Variants in SNAP23 observed in about 807,000 individuals in gnomAD.
SNAP23 encodes synaptosomal-associated protein 23.
Under a neutral mutation model 29.0 loss-of-function variants are expected in SNAP23, and 11 were observed. That is an observed-to-expected ratio of 0.38 (90% CI 0.24 to 0.63). The LOEUF is 0.63. Among genes scored for constraint, SNAP23 ranks in the 20% least tolerant of loss-of-function variants. The probability of loss-of-function intolerance (pLI) is 0.58; values close to 1 mark genes in which losing one functional copy is unlikely to be tolerated. For missense variants in SNAP23, 220 were observed against 253.9 expected (o/e 0.87, Z 0.91); for synonymous variants, 60 against 82.9 (o/e 0.72, Z 1.50).
In SNAP23 at chr15:42,513,393, T is replaced by A; in HGVS notation, c.100-6T>A. ...TGTACTATCAGCTTTTCCCCCCTTG[T>A]CTTAGTCTCAGGATGCAGGAATCAA... On this transcript the variant is annotated splice_region_variant and splice_polypyrimidine_tract_variant and intron_variant, in intron 3 of 7. Coordinates refer to ENST00000249647, the MANE Select transcript of SNAP23 (RefSeq NM_003825.4). The A allele has an allele frequency of 6.2e-7, 1 of 1,613,484 alleles. No homozygotes were observed. Among genetic ancestry groups the A allele is most frequent in the Admixed American group, 1.7e-5 (1 of 60,020 alleles).
rs1472334980 is a variant in SNAP23, at chr15:42,531,928, C to T, written c.*450C>T. The T allele has an allele frequency of 6.5e-6, 1 of 152,932 alleles. No individual in the cohort carries two copies. Among genetic ancestry groups the T allele is most frequent in the South Asian group, 2.1e-4 (1 of 4,836 alleles). 9.5% of individuals were successfully genotyped at this position (152,932 alleles called of 1,614,324 possible). Reference sequence around the variant, plus strand: ...CTTCAGGCCACAAAGCAAAAAGTTGCATAGCCACAACGAAGATCTAGTTGG... The same window carrying T: ...CTTCAGGCCACAAAGCAAAAAGTTGTATAGCCACAACGAAGATCTAGTTGG... On this transcript the variant is annotated 3_prime_UTR_variant, in exon 8 of 8. Coordinates refer to ENST00000249647, the MANE Select transcript of SNAP23 (RefSeq NM_003825.4).
At chr15:42,491,901 T>TTTAG (rs11281244), upstream of SNAP23, among the ~76,000 whole-genome samples, 224 of 146,978 alleles carry the variant, frequency 1.5e-3, 1 homozygote, top group African/African-American at 3.5e-3. Flanking sequence ...TATTTATTTA[T>TTTAG]TTAGTTAGTT....
intron 1 of SNAP23, among the ~76,000 whole-genome samples, chr15:42,508,481 C>T (rs1402626547): frequency 6.6e-6 from 1 of 151,982 alleles, no homozygotes; most frequent in Non-Finnish European, 1.5e-5. Context: ...TGCATCCTGG[C>T]GTTAGCATGC....
chr15:42,509,717 C>T (rs1461716582), intron 1 of SNAP23, among the ~76,000 whole-genome samples: 2 of 152,140 alleles, frequency 1.3e-5, no homozygotes, highest in Non-Finnish European at 2.9e-5. Context: ...GGATTACAGG[C>T]GTGAGCCACT....
chr15:42,517,249 GTCAA>G (rs1357450946), intron 5 of SNAP23, among the ~76,000 whole-genome samples: 1 of 152,178 alleles, frequency 6.6e-6, no homozygotes, highest in African/African-American at 2.4e-5. Context: ...ACTATGACTT[GTCAA>G]TCAGAGTTTA....
At chr15:42,501,877 A>C (rs937598185) in intron 1 of SNAP23, among the ~76,000 whole-genome samples, 3 of 152,326 alleles carry the variant, frequency 2.0e-5, no homozygotes, top group Non-Finnish European at 2.9e-5. Context: ...GAAGCACAGA[A>C]AAGTTAACAG....
intron 7 of SNAP23, among the ~76,000 whole-genome samples, chr15:42,530,666 C>T (rs898945494): frequency 1.3e-5 from 2 of 152,078 alleles, no homozygotes; most frequent in Non-Finnish European, 2.9e-5. Flanking sequence ...AGAAGGATTG[C>T]TTGAGTGTAG....
chr15:42,528,560 C>T lies in SNAP23; in HGVS notation c.425+140C>T, dbSNP rs1284207012. 3.4e-5 allele frequency: 29 copies of T among 864,140 alleles called. No individual in the cohort carries two copies. The East Asian group carries it at 5.6e-4, about 17-fold the overall frequency. 53.5% of individuals were successfully genotyped at this position (864,140 alleles called of 1,614,324 possible). A position where few individuals can be genotyped will look rare whatever the true frequency, so the allele number is the denominator to read the frequency against. On this transcript the variant is annotated intron_variant, in intron 6 of 7. Transcript: ENST00000249647. ...TTTTTAAAATGCATTTAAAAATCTG[C>T]CCACTGACAAAATGTGGGTTTTTTT...
chr15:42,504,299 C>T (rs2057300219), intron 1 of SNAP23, among the ~76,000 whole-genome samples: 1 of 152,036 alleles, frequency 6.6e-6, no homozygotes. Flanking sequence ...TAAGATTGCA[C>T]CACTGCACTC....
intron 6 of SNAP23, among the ~76,000 whole-genome samples, chr15:42,528,743 G>A (rs1341830328): frequency 6.6e-6 from 1 of 151,982 alleles, no homozygotes. Flanking sequence ...GCGCCACCAC[G>A]CCCAGCTAAT....
intron 1 of SNAP23, among the ~76,000 whole-genome samples, chr15:42,507,428 A>G (rs2057324807): frequency 2.0e-5 from 3 of 152,222 alleles, no homozygotes; most frequent in African/African-American, 7.2e-5. Flanking sequence ...AATAGGGTGT[A>G]AAAGCACTGA....
chr15:42,510,817 G>C (rs981931050), intron 1 of SNAP23, among the ~76,000 whole-genome samples: 4 of 152,126 alleles, frequency 2.6e-5, no homozygotes, highest in Non-Finnish European at 4.4e-5. Context: ...TTCCTGAAGA[G>C]TGTTGTAGGA....
In SNAP23 at chr15:42,531,586, G is replaced by A. The variant is rs2057566097; in HGVS notation, c.*108G>A. ...CGGTTCCACGCTCTTCTAATTGGGA[G>A]ATAATATGGAAGAAGGGCCAGAGCA... On this transcript the variant is annotated 3_prime_UTR_variant, in exon 8 of 8. Transcript: ENST00000249647. The A allele has an allele frequency of 3.9e-6, 3 of 779,134 alleles. No individual in the cohort carries two copies. Among genetic ancestry groups the A allele is most frequent in the African/African-American group, 3.5e-5 (2 of 56,608 alleles). The allele number at this position is 779,134 out of a possible 1,614,324, so 48.3% of individuals were successfully genotyped here. A position where few individuals can be genotyped will look rare whatever the true frequency, so the allele number is the denominator to read the frequency against.
intron 7 of SNAP23, 70 bp from the exon 8 acceptor site, chr15:42,531,343 C>T (rs2141564743): frequency 9.5e-7 from 1 of 1,050,744 alleles, no homozygotes; most frequent in South Asian, 2.2e-5. Context: ...TCAGTTACTC[C>T]AAGTGTAAAA....
intron 1 of SNAP23, among the ~76,000 whole-genome samples, chr15:42,503,323 T>A (rs913976187): frequency 1.3e-5 from 2 of 151,842 alleles, no homozygotes; most frequent in African/African-American, 4.8e-5. Context: ...TGCCTTAGCC[T>A]CCTGAGTAGC....
intron 5 of SNAP23, among the ~76,000 whole-genome samples, chr15:42,515,750 G>A (rs778769546): frequency 6.6e-6 from 1 of 152,108 alleles, no homozygotes; most frequent in Non-Finnish European, 1.5e-5. Flanking sequence ...GGAAAGAATG[G>A]CAAAACATAA....
At chr15:42,492,136 C>A (rs1328225598), upstream of SNAP23, among the ~76,000 whole-genome samples, 1 of 151,844 alleles carries the variant, frequency 6.6e-6, no homozygotes, top group Non-Finnish European at 1.5e-5. Context: ...GTCTCAAACT[C>A]CTGACTTCAA....
rs2057566739 is a variant in SNAP23 at position 42,531,628 on chromosome 15, T to C, written c.*150T>C. The C allele has an allele frequency of 1.9e-6, 1 of 524,476 alleles. No homozygotes were observed. Among genetic ancestry groups the C allele is most frequent in the Admixed American group, 3.7e-5 (1 of 26,708 alleles). 32.5% of individuals were successfully genotyped at this position (524,476 alleles called of 1,614,324 possible). On this transcript the variant is annotated 3_prime_UTR_variant, in exon 8 of 8. Transcript: ENST00000249647. ...GCCAGAGCAGTTACAGCCCTCCTTC[T>C]TTTTTGTTTTCTGTTGAGGGCCGAC...
chr15:42,523,225 C>G (rs2057465770), intron 5 of SNAP23, among the ~76,000 whole-genome samples: 1 of 151,188 alleles, frequency 6.6e-6, no homozygotes, highest in South Asian at 2.1e-4. Context: ...CCACTCAGAA[C>G]TAACAGTCAG....
Sources: allele counts gnomAD v4.1 joint callset (sites outside exome capture counted in the v4.1 genomes callset), GRCh38; gene constraint gnomAD v4.1.1; transcripts MANE v1.5; gene names NCBI Gene and HGNC (gene_info 2026-07-23, HGNC 2026-07-21).